Variants in COG7 observed in about 807,000 individuals in gnomAD.
COG7 encodes component of oligomeric golgi complex 7.
Under a neutral mutation model 91.5 loss-of-function variants are expected in COG7, and 49 were observed. That is an observed-to-expected ratio of 0.54 (90% CI 0.43 to 0.68). The LOEUF (loss-of-function observed/expected upper bound fraction) is 0.68, where lower values mean the gene tolerates loss of function less well. Among genes scored for constraint, COG7 ranks in the 30% least tolerant of loss-of-function variants. The pLI, the probability that COG7 is intolerant of heterozygous loss-of-function variation, is 0.00. For missense variants in COG7, 895 were observed against 961.3 expected (o/e 0.93, Z 0.91); for synonymous variants, 365 against 388.7 (o/e 0.94, Z 0.72).
chr16:23,418,812 A>G lies in COG7; in HGVS notation c.1025T>C (p.Val342Ala). Reference sequence around the variant, plus strand: ...AGCATCCACCAGCTCCGTGACTTTTACCAGATTGTGTTCATCTTTAGGGAA... The same window carrying G: ...AGCATCCACCAGCTCCGTGACTTTTGCCAGATTGTGTTCATCTTTAGGGAA... ...LLPHLHEHNL[V>A]KVTELVDAVY... Residue 342 changes from valine to alanine, a missense_variant, in exon 8 of 17, where the codon GTA (valine) becomes GCA (alanine). Coordinates refer to ENST00000307149, the MANE Select transcript of COG7 (RefSeq NM_153603.4). The G allele has an allele frequency of 1.2e-6, 2 of 1,613,762 alleles. No individual in the cohort carries two copies. The highest frequency in any genetic ancestry group is 1.7e-6 in the Non-Finnish European group (2 of 1,179,678).
intron 7 of COG7, among the ~76,000 whole-genome samples, chr16:23,424,297 C>CAAAAA (rs398042083): frequency 4.1e-5 from 2 of 48,642 alleles, no homozygotes; most frequent in East Asian, 5.8e-4. Context: ...AACTCCATCT[C>CAAAAA]AAAAAAAAAA....
chr16:23,445,796 A>T lies in COG7; in HGVS notation c.318+17T>A. Reference sequence around the variant, plus strand: ...AGAATCACCATTTACAACAGGAGCCAAAAGGAGCCAAAATACCTGCATGGA... The same window carrying T: ...AGAATCACCATTTACAACAGGAGCCTAAAGGAGCCAAAATACCTGCATGGA... On this transcript the variant is annotated intron_variant, in intron 2 of 16. Coordinates refer to ENST00000307149, the MANE Select transcript of COG7 (RefSeq NM_153603.4). The T allele has an allele frequency of 1.2e-6, 2 of 1,613,496 alleles. No homozygotes were observed. The highest frequency in any genetic ancestry group is 1.7e-6 in the Non-Finnish European group (2 of 1,179,470).
chr16:23,435,572 G>A (rs1274391257), intron 4 of COG7, among the ~76,000 whole-genome samples: 1 of 152,186 alleles, frequency 6.6e-6, no homozygotes, highest in African/African-American at 2.4e-5. Flanking sequence ...GTGGGTTTCA[G>A]TGCAGTCTCT....
intron 1 of COG7, among the ~76,000 whole-genome samples, chr16:23,452,475 G>A (rs1964279957): frequency 6.6e-6 from 1 of 152,122 alleles, no homozygotes; most frequent in African/African-American, 2.4e-5. Context: ...CGAGAGGCGA[G>A]AGGATCGCTT....
Position 23,424,962 on chromosome 16 carries a change from A to ACCC in COG7, c.811-16_811-15insGGG. ...TTCTGGAAAACCTGCAGTGAGAGAG[A>ACCC]GGTGTACCTGCCTTAGCACATGGAG... On this transcript the variant is annotated splice_polypyrimidine_tract_variant and intron_variant, in intron 6 of 16. Coordinates refer to ENST00000307149, the MANE Select transcript of COG7 (RefSeq NM_153603.4). The ACCC allele has an allele frequency of 1.0e-5, 16 of 1,584,958 alleles. No homozygotes were observed. The highest frequency in any genetic ancestry group is 2.3e-5 in the East Asian group (1 of 43,554).
chr16:23,431,232 A>G (rs1293883170), intron 6 of COG7, among the ~76,000 whole-genome samples: 1 of 152,136 alleles, frequency 6.6e-6, no homozygotes, highest in Non-Finnish European at 1.5e-5. Context: ...AAGGGGAAAA[A>G]TCTGAAGGAG....
chr16:23,433,752 A>G (rs1260880532), intron 5 of COG7, 85 bp from the exon 6 acceptor site: 1 of 1,553,628 alleles, frequency 6.4e-7, no homozygotes, highest in East Asian at 2.3e-5. Context: ...TACCCAGCGT[A>G]ATCACGGATT....
intron 6 of COG7, among the ~76,000 whole-genome samples, chr16:23,427,470 T>A (rs1433078939): frequency 6.7e-6 from 1 of 148,152 alleles, no homozygotes; most frequent in Non-Finnish European, 1.5e-5. Flanking sequence ...AGAAACTCTG[T>A]CTCAAAAGAA....
At chr16:23,423,361 C>T (rs1963791689) in intron 7 of COG7, among the ~76,000 whole-genome samples, 1 of 152,166 alleles carries the variant, frequency 6.6e-6, no homozygotes, top group Non-Finnish European at 1.5e-5. Context: ...TGAGACTCGT[C>T]CCATGGCTGA....
At chr16:23,412,811 G>C (rs1221168556) in intron 10 of COG7, 4 of 152,656 alleles carry the variant, frequency 2.6e-5, no homozygotes, top group Non-Finnish European at 4.4e-5. Context: ...TCAGCCTCCT[G>C]GGTAGCTGGG....
intron 13 of COG7, among the ~76,000 whole-genome samples, chr16:23,403,136 G>C (rs8049665): frequency 3.9e-5 from 6 of 152,130 alleles, no homozygotes; most frequent in African/African-American, 1.4e-4. Flanking sequence ...GCAATGCCTT[G>C]AAAAATAATT....
chr16:23,407,446 C>T (rs769182806), intron 11 of COG7, among the ~76,000 whole-genome samples: 7 of 152,208 alleles, frequency 4.6e-5, no homozygotes, highest in Non-Finnish European at 8.8e-5. Context: ...TAAGGGTTAG[C>T]AGAATGATCT....
At chr16:23,405,802 C>T (rs1421931288) in intron 12 of COG7, among the ~76,000 whole-genome samples, 1 of 152,160 alleles carries the variant, frequency 6.6e-6, no homozygotes, top group Non-Finnish European at 1.5e-5. Context: ...CAGGTGTGAG[C>T]CACCACACCT....
At position 23,441,427 on chromosome 16, in the gene COG7, T is replaced by C. The variant is rs550014320; in HGVS notation, c.604+1050A>G. Among the ~76,000 whole-genome samples the C allele has an allele frequency of 3.9e-5, 6 of 152,160 alleles. No individual in the cohort carries two copies. In the South Asian group the frequency reaches 1.2e-3, roughly 32 times the overall value. On this transcript the variant is annotated intron_variant, in intron 4 of 16. Coordinates refer to ENST00000307149, the MANE Select transcript of COG7 (RefSeq NM_153603.4). ...TCATCTCTACTGAAAATATAAAAAT[T>C]AGCCAGGTGTGGTGGCGCACGTCTG...
intron 1 of COG7, among the ~76,000 whole-genome samples, chr16:23,451,859 T>C (rs1043529290): frequency 9.9e-5 from 15 of 152,194 alleles, no homozygotes; most frequent in Non-Finnish European, 1.6e-4. Flanking sequence ...ATACGTTTTT[T>C]CCAGATATAT....
At chr16:23,401,565 G>A (rs554825062) in intron 13 of COG7, among the ~76,000 whole-genome samples, 1 of 152,312 alleles carries the variant, frequency 6.6e-6, no homozygotes, top group South Asian at 2.1e-4. Context: ...CCAATCTGCA[G>A]GTGAGGGAGG....
At chr16:23,396,992 G>A (rs563213297) in intron 14 of COG7, among the ~76,000 whole-genome samples, 11 of 152,126 alleles carry the variant, frequency 7.2e-5, no homozygotes, top group Middle Eastern at 3.4e-3. Flanking sequence ...TCACTGCAGC[G>A]TCGACCTCCT....
Position 23,452,889 on chromosome 16 carries a change from G to T in COG7, c.106C>A (p.His36Asn). ...KEAASGKADG[H>N]AATLVMKLQL... ...AGCTTCATCACCAGGGTGGCTGCGT[G>T]GCCATCCGCCTTCCCGGACGCCGCC... Residue 36 changes from histidine (H) to asparagine (N), a missense_variant, in exon 1 of 17, where the codon CAC becomes AAC. By Grantham distance (68) the His-to-Asn change is moderately conservative. Transcript: ENST00000307149. 1 of 1,614,040 alleles carries T rather than the reference G, an allele frequency of 6.2e-7. No homozygotes were observed. The highest frequency in any genetic ancestry group is 2.2e-5 in the East Asian group (1 of 44,878).
At chr16:23,399,141 G>A (rs1963334155) in intron 13 of COG7, among the ~76,000 whole-genome samples, 1 of 152,152 alleles carries the variant, frequency 6.6e-6, no homozygotes, top group Non-Finnish European at 1.5e-5. Flanking sequence ...TCCGGGAAAG[G>A]AATGACCATG....
Sources: allele counts gnomAD v4.1 joint callset (sites outside exome capture counted in the v4.1 genomes callset), GRCh38; gene constraint gnomAD v4.1.1; transcripts MANE v1.5; gene names NCBI Gene and HGNC (gene_info 2026-07-23, HGNC 2026-07-21).